Variants in CAMKMT observed in about 807,000 individuals in gnomAD.
CAMKMT encodes the protein calmodulin-lysine N-methyltransferase, also known as CaM KMT.
CAMKMT carries 53 observed loss-of-function variants against 48.0 expected under a neutral mutation model. That is an observed-to-expected ratio of 1.10 (90% confidence interval 0.89 to 1.39). CAMKMT has a LOEUF of 1.39. Among genes scored for constraint, CAMKMT ranks in the 40% most tolerant of loss-of-function variants. The pLI, the probability that CAMKMT is intolerant of heterozygous loss-of-function variation, is 0.00. For missense variants in CAMKMT, 428 were observed against 402.7 expected, an observed-to-expected ratio of 1.06 and a Z score of -0.54; for synonymous variants, 165 against 152.3, an observed-to-expected ratio of 1.08 and a Z score of -0.61.
At chr2:44,626,686 T>C (rs1429628086) in intron 3 of CAMKMT, among the ~76,000 whole-genome samples, 1 of 152,066 alleles carries the variant, frequency 6.6e-6, no homozygotes, top group Non-Finnish European at 1.5e-5. Context: ...TCATGAGAGC[T>C]TCACCCTCAT....
At chr2:44,408,025 C>CTTTTT (rs58443811) in intron 3 of CAMKMT, among the ~76,000 whole-genome samples, 10 of 105,242 alleles carry the variant, frequency 9.5e-5, no homozygotes, top group African/African-American at 3.7e-4. Flanking sequence ...TAGAGCATGT[C>CTTTTT]TTTTTTTTTT....
intron 1 of CAMKMT, among the ~76,000 whole-genome samples, chr2:44,368,695 A>C (rs774961596): frequency 6.6e-6 from 1 of 152,348 alleles, no homozygotes; most frequent in Non-Finnish European, 1.5e-5. Context: ...AATTTAGACT[A>C]TTAAAAGGTA....
chr2:44,458,239 G>T (rs1200324744), intron 3 of CAMKMT, among the ~76,000 whole-genome samples: 2 of 151,844 alleles, frequency 1.3e-5, no homozygotes, highest in African/African-American at 4.8e-5. Context: ...TAGAGACAGG[G>T]TTTCACCATG....
At chr2:44,671,739 C>T (rs1675341142) in intron 3 of CAMKMT, among the ~76,000 whole-genome samples, 2 of 152,132 alleles carry the variant, frequency 1.3e-5, no homozygotes, top group South Asian at 4.1e-4. Flanking sequence ...ACTCCCCAAG[C>T]CCTTTTAATC....
chr2:44,509,111 A>T (rs989878388), intron 3 of CAMKMT, among the ~76,000 whole-genome samples: 1 of 151,610 alleles, frequency 6.6e-6, no homozygotes, highest in African/African-American at 2.4e-5. Flanking sequence ...AAAAAAAATT[A>T]TATGTCTTAA....
At chr2:44,495,932 G>C (rs933081519) in intron 3 of CAMKMT, among the ~76,000 whole-genome samples, 1 of 152,036 alleles carries the variant, frequency 6.6e-6, no homozygotes. Flanking sequence ...ACATGTCTTT[G>C]GCAGAATCTC....
At chr2:44,367,068 G>A (rs1558540270) in intron 1 of CAMKMT, among the ~76,000 whole-genome samples, 1 of 152,162 alleles carries the variant, frequency 6.6e-6, no homozygotes, top group Non-Finnish European at 1.5e-5. Context: ...GCTTCCGCAT[G>A]TAAAGGATAA....
chr2:44,724,505 C>T lies in CAMKMT; in HGVS notation c.623+9152C>T, dbSNP rs75656918. Among the ~76,000 whole-genome samples the T allele has an allele frequency of 7.7e-3, 1,170 of 152,252 alleles. 18 individuals carry two copies. The highest frequency in any genetic ancestry group is 0.027 in the African/African-American group (1,102 of 41,542). On this transcript the variant is annotated intron_variant, in intron 7 of 10. Coordinates refer to ENST00000378494, the MANE Select transcript of CAMKMT (RefSeq NM_024766.5). The stretch of plus-strand genomic sequence containing the variant: ...CAATCTGACAGTTGAATCACCTTCT[C>T]AGGTGATTCTAATATATCTGAAGCA...
chr2:44,460,149 C>CT (rs1667774832), intron 3 of CAMKMT, among the ~76,000 whole-genome samples: 1 of 152,118 alleles, frequency 6.6e-6, no homozygotes. Context: ...ATAGATTCTG[C>CT]TTTAATTTGC....
chr2:44,493,616 A>C (rs1454316), intron 3 of CAMKMT, among the ~76,000 whole-genome samples: 10,289 of 152,188 alleles, frequency 0.068, 794 homozygotes, highest in East Asian at 0.34. Context: ...ATTTTTGACC[A>C]CCTGATTTTT....
At chr2:44,461,881 A>G (rs1443263065) in intron 3 of CAMKMT, among the ~76,000 whole-genome samples, 1 of 152,156 alleles carries the variant, frequency 6.6e-6, no homozygotes, top group Non-Finnish European at 1.5e-5. Context: ...TCTATAGCCT[A>G]TCTACCCTAG....
chr2:44,593,643 G>GT (rs368591822), intron 3 of CAMKMT, among the ~76,000 whole-genome samples: 1 of 151,950 alleles, frequency 6.6e-6, no homozygotes, highest in African/African-American at 2.4e-5. Context: ...GAATACCATA[G>GT]TTTCATTTAT....
chr2:44,474,053 A>C (rs1668557750), intron 3 of CAMKMT, among the ~76,000 whole-genome samples: 1 of 152,180 alleles, frequency 6.6e-6, no homozygotes, highest in Non-Finnish European at 1.5e-5. Context: ...ATCTCCATTC[A>C]CATATACCTG....
At chr2:44,611,701 G>T (rs1034228223) in intron 3 of CAMKMT, among the ~76,000 whole-genome samples, 1 of 151,908 alleles carries the variant, frequency 6.6e-6, no homozygotes, top group African/African-American at 2.4e-5. Context: ...AAGAAAAGAG[G>T]TTTAATTGGC....
intron 9 of CAMKMT, among the ~76,000 whole-genome samples, chr2:44,762,769 G>C (rs937187124): frequency 2.0e-5 from 3 of 152,102 alleles, no homozygotes. Flanking sequence ...GAGCTCACAA[G>C]GTAAGCAGTA....
intron 3 of CAMKMT, among the ~76,000 whole-genome samples, chr2:44,510,398 T>A (rs1319799713): frequency 6.6e-6 from 1 of 152,230 alleles, no homozygotes; most frequent in Non-Finnish European, 1.5e-5. Context: ...AGAAGTGATG[T>A]GCTCCTTCTC....
chr2:44,583,006 G>T (rs750501840), intron 3 of CAMKMT, among the ~76,000 whole-genome samples: 1 of 151,916 alleles, frequency 6.6e-6, no homozygotes, highest in African/African-American at 2.4e-5. Flanking sequence ...TTGGAAATTC[G>T]AATTGTTCTG....
intron 1 of CAMKMT, among the ~76,000 whole-genome samples, chr2:44,364,240 C>T (rs1372873147): frequency 2.0e-5 from 3 of 152,138 alleles, no homozygotes; most frequent in African/African-American, 4.8e-5. Context: ...TCAGCTGTGG[C>T]TGTTACATGA....
chr2:44,708,378 A>G (rs1467517985), intron 6 of CAMKMT, among the ~76,000 whole-genome samples: 2 of 151,576 alleles, frequency 1.3e-5, no homozygotes, highest in Non-Finnish European at 2.9e-5. Context: ...CTGCCATATG[A>G]TTTTTTCAAA....
Sources: allele counts gnomAD v4.1 joint callset (sites outside exome capture counted in the v4.1 genomes callset), GRCh38; gene constraint gnomAD v4.1.1; transcripts MANE v1.5; gene names NCBI Gene and HGNC (gene_info 2026-07-23, HGNC 2026-07-21).